The following AHNAK variants were observed in gnomAD, a reference collection of about 807,000 sequenced individuals.
AHNAK encodes the protein neuroblast differentiation-associated protein AHNAK.
In AHNAK, 23 loss-of-function variants were observed where a neutral mutation model predicts 37.8. That is an observed-to-expected ratio of 0.61 (90% CI 0.44 to 0.86). The LOEUF is 0.86. Ranked by LOEUF, AHNAK falls within the 40% of genes least tolerant of loss-of-function variation. The probability of loss-of-function intolerance (pLI) is 0.00; values close to 1 mark genes in which losing one functional copy is unlikely to be tolerated. For missense variants in AHNAK, 7,411 were observed against 7,319.4 expected (o/e 1.01, Z -0.46); for synonymous variants, 2,481 against 2,636.3 (o/e 0.94, Z 1.80).
chr11:62,513,138 TCA>T (rs1939944241), downstream of AHNAK, among the ~76,000 whole-genome samples: 1 of 152,136 alleles, frequency 6.6e-6, no homozygotes, highest in Non-Finnish European at 1.5e-5. Flanking sequence ...GGAAAGAACA[TCA>T]CAGAGTCCAG....
At chr11:62,457,081 A>G (rs908020489) in intron 5 of AHNAK, among the ~76,000 whole-genome samples, 1 of 152,086 alleles carries the variant, frequency 6.6e-6, no homozygotes, top group East Asian at 1.9e-4. Flanking sequence ...CGGGAGGATC[A>G]CCTGAGGTCA....
chr11:62,532,157 T>C lies in AHNAK; in HGVS notation c.2260A>G (p.Met754Val). The change falls in exon 5 of 5, where the codon ATG becomes GTG. Residue 754 changes from methionine (M) to valine (V), a missense_variant. Coordinates refer to ENST00000378024, the MANE Select transcript of AHNAK (RefSeq NM_001620.3). ...AACCCTGGCACACTGAATTTGGGCA[T>C]TTTCATCTTGGGCATCTTCAAGTGC... ...DWHLKMPKMK[M>V]PKFSVPGFKA... 1 of 1,614,010 alleles carries C rather than the reference T, an allele frequency of 6.2e-7. No homozygotes were observed. The highest frequency in any genetic ancestry group is 1.1e-5 in the South Asian group (1 of 91,066).
rs756341079 is a variant in AHNAK at position 62,528,938 on chromosome 11, G to C, written c.5479C>G (p.Pro1827Ala). The C allele has an allele frequency of 1.2e-6, 2 of 1,613,994 alleles. No homozygotes were observed. The highest frequency in any genetic ancestry group is 1.7e-6 in the Non-Finnish European group (2 of 1,180,032). ...VKGPFVEAEV[P>A]DVDLECPDAK... Reference sequence around the variant, plus strand: ...TCAGGACACTCCAGATCAACATCGGGCACCTCCGCTTCCACAAAAGGACCT... The same window carrying C: ...TCAGGACACTCCAGATCAACATCGGCCACCTCCGCTTCCACAAAAGGACCT... The change falls in exon 5 of 5, where the codon CCC becomes GCC. Residue 1827 changes from proline to alanine, a missense_variant. By Grantham distance (27) the Pro-to-Ala change is conservative. Transcript: ENST00000378024.
chr11:62,433,567 A>G, exon 6 of AHNAK: 3 of 415,972 alleles, frequency 7.2e-6, no homozygotes, highest in Non-Finnish European at 8.6e-6. Context: ...TGTTTATTGG[A>G]TAAACGAGCG....
chr11:62,499,441 T>C (rs1001415338), intron 4 of AHNAK, among the ~76,000 whole-genome samples: 2 of 152,068 alleles, frequency 1.3e-5, no homozygotes, highest in African/African-American at 2.4e-5. Context: ...ATCTCAGCTA[T>C]TCGGGAGACT....
At chr11:62,492,498 G>GTGAGAAAACAGAGGAT (rs1939521024) in intron 4 of AHNAK, among the ~76,000 whole-genome samples, 1 of 152,142 alleles carries the variant, frequency 6.6e-6, no homozygotes, top group African/African-American at 2.4e-5. Context: ...AGTTCGTGGA[G>GTGAGAAAACAGAGGAT]AACTATGGTT....
chr11:62,534,148 C>G, intron 4 of AHNAK, 74 bp from the exon 5 acceptor site: 1 of 1,441,530 alleles, frequency 6.9e-7, no homozygotes, highest in Non-Finnish European at 9.2e-7. Context: ...CACAGCCCAG[C>G]CGACAACACG....
At chr11:62,504,819 A>G (rs1315942917) in intron 4 of AHNAK, among the ~76,000 whole-genome samples, 1 of 151,550 alleles carries the variant, frequency 6.6e-6, no homozygotes, top group Non-Finnish European at 1.5e-5. Flanking sequence ...AGGAGCTCCC[A>G]GAGGAGAAAG....
chr11:62,455,427 C>T (rs1030738210), intron 5 of AHNAK, among the ~76,000 whole-genome samples: 5 of 148,534 alleles, frequency 3.4e-5, no homozygotes, highest in African/African-American at 7.4e-5. Context: ...GAAATGTGGC[C>T]GGGCGTGGTG....
At position 62,520,116 on chromosome 11, in the gene AHNAK, A is replaced by G. The variant is rs1305874855; in HGVS notation, c.14301T>C (p.Pro4767=). The change falls in exon 5 of 5, where the codon CCT becomes CCC. Residue 4767 remains proline (P), a synonymous_variant. Transcript: ENST00000378024. ...IKGPKVDINT[P]DVDVHGPDWH... ...AGTCTGGGCCATGAACATCCACATCAGGGGTGTTGATGTCCACTTTTGGGC... is the reference window on the plus strand; with the variant it reads ...AGTCTGGGCCATGAACATCCACATCGGGGGTGTTGATGTCCACTTTTGGGC... The G allele has an allele frequency of 6.2e-7, 1 of 1,603,378 alleles. No individual in the cohort carries two copies. Among genetic ancestry groups the G allele is most frequent in the African/African-American group, 1.4e-5 (1 of 71,490 alleles).
At chr11:62,479,939 G>A (rs1301531767) in intron 5 of AHNAK, among the ~76,000 whole-genome samples, 7 of 152,092 alleles carry the variant, frequency 4.6e-5, no homozygotes, top group Admixed American at 2.6e-4. Context: ...GGCCCATTCC[G>A]GGGAGCTGGA....
In AHNAK at chr11:62,524,080, C is replaced by T. The variant is rs765015772; in HGVS notation, c.10337G>A (p.Gly3446Asp). The T allele has an allele frequency of 6.2e-7, 1 of 1,614,062 alleles. No individual in the cohort carries two copies. The highest frequency in any genetic ancestry group is 2.2e-5 in the East Asian group (1 of 44,886). The change falls in exon 5 of 5, where the codon GGC (glycine) becomes GAC (aspartate). Residue 3446 changes from glycine to aspartate, a missense_variant. Coordinates refer to ENST00000378024, the MANE Select transcript of AHNAK (RefSeq NM_001620.3). ...TGGTGCCTTAATATCCACTTTGGGG[C>T]CTTTAAAGTCACCTTCTAAATTGGG... is the stretch of plus-strand genomic sequence containing the variant. ...AGPNLEGDFK[G>D]PKVDIKAPEV...
chr11:62,520,816 T>C lies in AHNAK; in HGVS notation c.13601A>G (p.Lys4534Arg), dbSNP rs1398245812. Residue 4534 changes from lysine to arginine, a missense_variant, in exon 5 of 5, where the codon AAA becomes AGA. Lys to Arg is a conservative substitution (Grantham distance 26). Transcript: ENST00000378024. ...IDLNLKGPKI[K>R]GDMDISVPKL... is the part of the protein sequence containing the mutation. ...AGGAACGGAAATGTCCATATCTCCT[T>C]TTATCTTAGGTCCTTTCAAATTCAA... 6.2e-7 allele frequency: 1 copy of C among 1,614,092 alleles called. No homozygotes were observed.
rs755487408 is a variant in AHNAK, at chr11:62,517,906, A to C, written c.16511T>G (p.Val5504Gly). ...MPGIKSSGCD[V>G]NLPGVNVKLP... ...TTTCACATTCACGCCTGGCAGGTTC[A>C]CATCACATCCAGAGGACTTAATTCC... Residue 5504 changes from valine (V) to glycine (G), a missense_variant, in exon 5 of 5, where the codon GTG becomes GGG. Physicochemically the swap from Val to Gly is moderately radical, Grantham distance 109. Transcript: ENST00000378024. The C allele has an allele frequency of 8.7e-6, 14 of 1,614,166 alleles. No individual in the cohort carries two copies. The East Asian group carries it at 1.1e-4, about 13-fold the overall frequency.
At chr11:62,501,508 A>G (rs1939710733) in intron 4 of AHNAK, among the ~76,000 whole-genome samples, 1 of 152,238 alleles carries the variant, frequency 6.6e-6, no homozygotes, top group Admixed American at 6.5e-5. Context: ...TGGAGGTTGC[A>G]GTGAGCCGAG....
At position 62,523,455 on chromosome 11, in the gene AHNAK, C is replaced by T; in HGVS notation, c.10962G>A (p.Leu3654=). The T allele has an allele frequency of 6.2e-7, 1 of 1,613,162 alleles. No homozygotes were observed. Among genetic ancestry groups the T allele is most frequent in the East Asian group, 2.2e-5 (1 of 44,826 alleles). The stretch of plus-strand genomic sequence containing the variant: ...CAGGCATCTTGAACTTGGGGCCCTT[C>T]AGCTTTGCATCTGGACCTTCAATAT... ...DVNIEGPDAK[L]KGPKFKMPEM... is the part of the protein sequence containing the mutation. The change falls in exon 5 of 5, where the codon CTG becomes CTA. Residue 3654 remains leucine (L), a synonymous_variant. Coordinates refer to ENST00000378024, the MANE Select transcript of AHNAK (RefSeq NM_001620.3).
chr11:62,461,786 T>C lies in AHNAK; in HGVS notation c.443-27895A>G, dbSNP rs1274091014. 2.0e-5 allele frequency among the ~76,000 whole-genome samples: 3 copies of C among 149,384 alleles called. No individual in the cohort carries two copies. The East Asian group carries it at 5.9e-4, about 30-fold the overall frequency. ...GTTGCGGTGAGCCGAGATGGCGCCA[T>C]TGCACTCCAGCCTGGGCAACAGAGC... On this transcript the variant is annotated intron_variant, in intron 5 of 5. Coordinates refer to the AHNAK transcript ENST00000257247.
intron 5 of AHNAK, among the ~76,000 whole-genome samples, chr11:62,448,817 C>G (rs960487032): frequency 7.2e-5 from 11 of 152,184 alleles, no homozygotes; most frequent in African/African-American, 2.2e-4. Flanking sequence ...CGCCTATAAT[C>G]CCAGCACTTT....
chr11:62,534,886 G>T, intron 4 of AHNAK, 117 bp downstream of exon 4: 1 of 1,086,864 alleles, frequency 9.2e-7, no homozygotes, highest in Non-Finnish European at 1.3e-6. Flanking sequence ...ACAGGTGAGA[G>T]GAGAAGAAGG....
Sources: gnomAD v4.1 joint callset for allele counts (sites outside exome capture counted in the v4.1 genomes callset) on GRCh38, gnomAD v4.1.1 for gene constraint, MANE v1.5 for transcripts, NCBI Gene and HGNC (gene_info 2026-07-23, HGNC 2026-07-21) for gene names.